Variants in MN1 observed in about 807,000 individuals in gnomAD.
MN1 encodes the protein MN1 proto-oncogene, transcriptional regulator, also known as transcriptional activator MN1.
Under a neutral mutation model 86.9 loss-of-function variants are expected in MN1, and 19 were observed. The ratio of observed to expected loss-of-function variants is 0.22; its 90% CI spans 0.15 to 0.32. The LOEUF (loss-of-function observed/expected upper bound fraction) is 0.32, where lower values mean the gene tolerates loss of function less well. Among genes scored for constraint, MN1 ranks in the 10% least tolerant of loss-of-function variants. MN1 has a pLI of 1.00. For missense variants in MN1, 1,841 were observed against 1,862.0 expected (o/e 0.99, Z 0.21); for synonymous variants, 928 against 849.6 (o/e 1.09, Z -1.60).
Position 27,796,920 on chromosome 22 carries a change from C to T in MN1, c.3624G>A (p.Lys1208=). Residue 1208 remains lysine, a synonymous_variant, in exon 1 of 2, where the codon AAG becomes AAA. Transcript: ENST00000302326. ...ELGSCCSEAV[K]SAMSTIDLDS... is the part of the protein sequence containing the mutation. Reference sequence around the variant, plus strand: ...CCAGGTCAATGGTGCTCATGGCGCTCTTGACCGCCTCGGAGCAGCAGCTGC... The same window carrying T: ...CCAGGTCAATGGTGCTCATGGCGCTTTTGACCGCCTCGGAGCAGCAGCTGC... The T allele has an allele frequency of 6.2e-7, 1 of 1,612,940 alleles. No homozygotes were observed. Among genetic ancestry groups the T allele is most frequent in the Non-Finnish European group, 8.5e-7 (1 of 1,179,956 alleles).
chr22:27,799,030 C>T lies in MN1; in HGVS notation c.1514G>A (p.Ser505Asn). 2 of 1,612,058 alleles carry T rather than the reference C, an allele frequency of 1.2e-6. No homozygotes were observed. Among genetic ancestry groups the T allele is most frequent in the Non-Finnish European group, 1.7e-6 (2 of 1,179,426 alleles). Residue 505 changes from serine to asparagine, a missense_variant, in exon 1 of 2, where the codon AGC becomes AAC. Coordinates refer to ENST00000302326, the MANE Select transcript of MN1 (RefSeq NM_002430.3). ...PGEFTPPVPD[S>N]FPSGPPLQHP... ...CTGCAGGGGCGGCCCCGAAGGGAAG[C>T]TGTCGGGCACAGGCGGTGTGAACTC... is the stretch of plus-strand genomic sequence containing the variant.
Position 27,750,184 on chromosome 22 carries a change from CAGG to C in MN1, c.*728_*730del, listed in dbSNP as rs1415157762. On this transcript the variant is annotated 3_prime_UTR_variant, in exon 2 of 2. Transcript: ENST00000302326. Reference sequence around the variant, plus strand: ...CATCGCAGAGAGGGGCGGCTTCCAGCAGGAGAAGAGAGAACTCAAGTGGAAGGG... The same window carrying C: ...CATCGCAGAGAGGGGCGGCTTCCAGCAGAAGAGAGAACTCAAGTGGAAGGG... 1.7e-5 allele frequency: 4 copies of C among 231,278 alleles called. No homozygotes were observed. Among genetic ancestry groups the C allele is most frequent in the African/African-American group, 2.2e-5 (1 of 45,204 alleles). 14.3% of individuals were successfully genotyped at this position (231,278 alleles called of 1,614,324 possible). A position where few individuals can be genotyped will look rare whatever the true frequency, so the allele number is the denominator to read the frequency against.
chr22:27,750,899 G>T lies in MN1; in HGVS notation c.*16C>A. 1 of 1,567,366 alleles carries T rather than the reference G, an allele frequency of 6.4e-7. No individual in the cohort carries two copies. Among genetic ancestry groups the T allele is most frequent in the Non-Finnish European group, 8.7e-7 (1 of 1,150,974 alleles). On this transcript the variant is annotated 3_prime_UTR_variant, in exon 2 of 2. Coordinates refer to ENST00000302326, the MANE Select transcript of MN1 (RefSeq NM_002430.3). The stretch of plus-strand genomic sequence containing the variant: ...GAGAGGAAGGGCCTGGTAGAGGAGG[G>T]GATCTTTCTTGTCATTCAAGTTAGG...
intron 1 of MN1, among the ~76,000 whole-genome samples, chr22:27,781,879 C>T (rs935163063): frequency 5.9e-5 from 9 of 152,138 alleles, no homozygotes; most frequent in Admixed American, 5.9e-4. Context: ...CTCTCTTGCT[C>T]TTGCTATCTC....
At chr22:27,759,094 T>C (rs1049471604) in intron 1 of MN1, among the ~76,000 whole-genome samples, 1 of 152,020 alleles carries the variant, frequency 6.6e-6, no homozygotes, top group Non-Finnish European at 1.5e-5. Flanking sequence ...TCCCAAAGTG[T>C]TGGGATTATA....
chr22:27,787,947 C>T (rs1313803735), intron 1 of MN1, among the ~76,000 whole-genome samples: 2 of 152,216 alleles, frequency 1.3e-5, no homozygotes, highest in Non-Finnish European at 2.9e-5. Context: ...CCGGATCTAC[C>T]TCCCCCATGC....
intron 1 of MN1, among the ~76,000 whole-genome samples, chr22:27,775,852 C>T (rs373934463): frequency 6.5e-4 from 99 of 152,326 alleles, no homozygotes; most frequent in African/African-American, 9.4e-4. Flanking sequence ...GGAATGGCAC[C>T]GACAGCAGCT....
chr22:27,765,083 C>T (rs1415300938), intron 1 of MN1, among the ~76,000 whole-genome samples: 2 of 152,214 alleles, frequency 1.3e-5, no homozygotes, highest in African/African-American at 2.4e-5. Context: ...ATAAAATTAA[C>T]CATCACAGTA....
chr22:27,779,874 G>A (rs1021491290), intron 1 of MN1, among the ~76,000 whole-genome samples: 6 of 152,234 alleles, frequency 3.9e-5, no homozygotes, highest in Non-Finnish European at 5.9e-5. Context: ...CTGGGGGAAG[G>A]AGGAAACAGA....
At chr22:27,764,562 T>C (rs1182233884) in intron 1 of MN1, among the ~76,000 whole-genome samples, 3 of 152,172 alleles carry the variant, frequency 2.0e-5, no homozygotes, top group Non-Finnish European at 4.4e-5. Flanking sequence ...TCTCTGAGGC[T>C]ACAGGTAGGG....
chr22:27,768,622 T>G (rs763018713), intron 1 of MN1, among the ~76,000 whole-genome samples: 1 of 152,184 alleles, frequency 6.6e-6, no homozygotes, highest in Non-Finnish European at 1.5e-5. Flanking sequence ...ACTAGCCATG[T>G]GCAGCTTTCA....
At chr22:27,761,296 C>G (rs572456798) in intron 1 of MN1, among the ~76,000 whole-genome samples, 2 of 151,938 alleles carry the variant, frequency 1.3e-5, no homozygotes, top group African/African-American at 4.8e-5. Context: ...CTCTCTCCCT[C>G]TCTCTTATTC....
Position 27,752,459 on chromosome 22 carries a change from C to G in MN1, c.3782-1363G>C, listed in dbSNP as rs1173402316. ...CTCCCATACCCTTAGTGAAACTCCC[C>G]TGAACCCTCTTTTCATTGAGTCACA... On this transcript the variant is annotated intron_variant, in intron 1 of 1. Coordinates refer to ENST00000302326, the MANE Select transcript of MN1 (RefSeq NM_002430.3). 2.0e-5 allele frequency among the ~76,000 whole-genome samples: 3 copies of G among 152,120 alleles called. No homozygotes were observed. In the East Asian group the frequency reaches 5.8e-4, roughly 29 times the overall value.
chr22:27,798,933 C>T lies in MN1; in HGVS notation c.1611G>A (p.Gln537=), dbSNP rs552250669. ...GCTGTTGCTGTTGCTGTTGCTGCTG[C>T]TGCTGCTGCTGTTGCTGCTGCTGCT... ...QQQQQQQQQQ[Q]QQQQQQQQQQ... is the part of the protein sequence containing the mutation. The change falls in exon 1 of 2, where the codon CAG becomes CAA. Residue 537 remains glutamine (Q), a synonymous_variant. Coordinates refer to ENST00000302326, the MANE Select transcript of MN1 (RefSeq NM_002430.3). 2 of 1,561,028 alleles carry T rather than the reference C, an allele frequency of 1.3e-6. No individual in the cohort carries two copies. The highest frequency in any genetic ancestry group is 8.7e-7 in the Non-Finnish European group (1 of 1,149,490).
At chr22:27,765,379 T>C (rs997934469) in intron 1 of MN1, among the ~76,000 whole-genome samples, 3 of 151,372 alleles carry the variant, frequency 2.0e-5, no homozygotes, top group Non-Finnish European at 4.4e-5. Context: ...TAAAAATCAA[T>C]AGAACATTAT....
rs1159987506 is a variant in MN1, at chr22:27,797,329, G to C, written c.3215C>G (p.Ala1072Gly). 2 of 1,604,802 alleles carry C rather than the reference G, an allele frequency of 1.2e-6. No individual in the cohort carries two copies. The highest frequency in any genetic ancestry group is 1.7e-5 in the Admixed American group (1 of 59,994). Reference protein sequence around the residue: ...SSDNPQALVKASRSPLVTGSP... With the variant: ...SSDNPQALVKGSRSPLVTGSP... The stretch of plus-strand genomic sequence containing the variant: ...GCCGGTCACCAGGGGACTCCTGCTC[G>C]CTTTAACTAGTGCCTGGGGGTTGTC... The change falls in exon 1 of 2, where the codon GCG becomes GGG. Residue 1072 changes from alanine to glycine, a missense_variant. Transcript: ENST00000302326.
In MN1 at chr22:27,797,110, G is replaced by C. The variant is rs758835992; in HGVS notation, c.3434C>G (p.Pro1145Arg). The change falls in exon 1 of 2, where the codon CCG becomes CGG. Residue 1145 changes from proline (P) to arginine (R), a missense_variant. By Grantham distance (103) the Pro-to-Arg change is moderately radical. Coordinates refer to ENST00000302326, the MANE Select transcript of MN1 (RefSeq NM_002430.3). The part of the protein sequence containing the change: ...VRTPTSSSGA[P>R]PPDEIHPLEI... ...CAGGGGGTGGATCTCGTCGGGTGGC[G>C]GGGCGCCGCTGCTGCTCGTCGGGGT... 3 of 1,595,842 alleles carry C rather than the reference G, an allele frequency of 1.9e-6. No individual in the cohort carries two copies. Among genetic ancestry groups the C allele is most frequent in the East Asian group, 2.3e-5 (1 of 43,560 alleles).
rs760534815 is a variant in MN1 at position 27,800,504 on chromosome 22, T to G, written c.40A>C (p.Arg14=). 8 of 1,614,184 alleles carry G rather than the reference T, an allele frequency of 5.0e-6. No individual in the cohort carries two copies. Among genetic ancestry groups the G allele is most frequent in the Non-Finnish European group, 6.8e-6 (8 of 1,180,020 alleles). Residue 14 remains arginine (R), a synonymous_variant, in exon 1 of 2, where the codon AGG becomes CGG. Coordinates refer to ENST00000302326, the MANE Select transcript of MN1 (RefSeq NM_002430.3). Reference sequence around the variant, plus strand: ...TTCCTCTCGCCCTGGCCAGCGTTCCTGCTGTTGACCTGGGGCTCGAATTGG... The same window carrying G: ...TTCCTCTCGCCCTGGCCAGCGTTCCGGCTGTTGACCTGGGGCTCGAATTGG... ...LDQFEPQVNS[R]NAGQGERNFN...
intron 1 of MN1, among the ~76,000 whole-genome samples, chr22:27,780,673 A>G (rs1302102027): frequency 1.3e-5 from 2 of 152,186 alleles, no homozygotes; most frequent in Non-Finnish European, 2.9e-5. Flanking sequence ...TGCCTCTCAG[A>G]GACCTTCCTG....
Sources: allele counts gnomAD v4.1 joint callset (sites outside exome capture counted in the v4.1 genomes callset), GRCh38; gene constraint gnomAD v4.1.1; transcripts MANE v1.5; gene names NCBI Gene and HGNC (gene_info 2026-07-23, HGNC 2026-07-21).